Variants in CATSPERE observed in about 807,000 individuals in gnomAD.
CATSPERE encodes cation channel sperm-associated auxiliary subunit epsilon.
Under a neutral mutation model 114.1 loss-of-function variants are expected in CATSPERE, and 93 were observed. The observed-to-expected ratio is 0.81, with a 90% CI of 0.69 to 0.97. The LOEUF is 0.97. Among genes scored for constraint, CATSPERE ranks in the 50% least tolerant of loss-of-function variants. The pLI is 0.00. For missense variants in CATSPERE, 1,058 were observed against 1,131.6 expected, an observed-to-expected ratio of 0.93 and a Z score of 0.93; for synonymous variants, 341 against 384.1, an observed-to-expected ratio of 0.89 and a Z score of 1.31.
At chr1:244,516,106 G>A (rs959079578) in intron 7 of CATSPERE, among the ~76,000 whole-genome samples, 9 of 151,592 alleles carry the variant, frequency 5.9e-5, no homozygotes, top group South Asian at 2.1e-4. Context: ...TTGGGCGATC[G>A]CTTGAGCCTG....
intron 8 of CATSPERE, among the ~76,000 whole-genome samples, chr1:244,528,789 A>ACGCGCG (rs1558436387): frequency 9.3e-5 from 12 of 129,312 alleles, no homozygotes; most frequent in African/African-American, 4.4e-4. Context: ...CCCCCACCAC[A>ACGCGCG]CACACACACA....
intron 11 of CATSPERE, among the ~76,000 whole-genome samples, chr1:244,580,838 T>A (rs1382612335): frequency 6.6e-6 from 1 of 151,998 alleles, no homozygotes; most frequent in East Asian, 1.9e-4. Context: ...CCGTCTCTAC[T>A]AAAAATACAA....
Position 244,633,523 on chromosome 1 carries a change from C to G in CATSPERE, c.2649-1966C>G, listed in dbSNP as rs924314890. Reference sequence around the variant, plus strand: ...TTACAAACTGCTATTGAATTAAATTCAAAAACAGTCATGACTCCTTTATAC... The same window carrying G: ...TTACAAACTGCTATTGAATTAAATTGAAAAACAGTCATGACTCCTTTATAC... On this transcript the variant is annotated intron_variant, in intron 20 of 21. Transcript: ENST00000366534. This position sits in a 1 kb window ranked among gnomAD's most constrained non-coding sequence, Gnocchi z 4.1. 6.6e-6 allele frequency among the ~76,000 whole-genome samples: 1 copy of G among 152,062 alleles called. No homozygotes were observed.
chr1:244,621,562 A>C (rs1225736496), intron 20 of CATSPERE, among the ~76,000 whole-genome samples: 1 of 151,706 alleles, frequency 6.6e-6, no homozygotes, highest in African/African-American at 2.4e-5. Context: ...GAAAAGCGCC[A>C]ACCAACAAAA....
At position 244,514,582 on chromosome 1, in the gene CATSPERE, C is replaced by G. The variant is rs981488085; in HGVS notation, c.430-4010C>G. Among the ~76,000 whole-genome samples the G allele has an allele frequency of 2.0e-5, 3 of 152,204 alleles. No individual in the cohort carries two copies. In the East Asian group the frequency reaches 5.8e-4, roughly 29 times the overall value. On this transcript the variant is annotated intron_variant, in intron 7 of 21. Coordinates refer to ENST00000366534, the MANE Select transcript of CATSPERE (RefSeq NM_001130957.2). ...CGGTGGCTCACGCCTGTAATCCCAG[C>G]ACTTTGGGAGGCCGAGGCGGGTGGA...
intron 8 of CATSPERE, among the ~76,000 whole-genome samples, chr1:244,522,033 T>A (rs1677657399): frequency 6.6e-6 from 1 of 152,002 alleles, no homozygotes; most frequent in Non-Finnish European, 1.5e-5. Flanking sequence ...AGAATATACA[T>A]TTTTTTCAGC....
At chr1:244,584,531 T>A (rs906593986) in intron 13 of CATSPERE, among the ~76,000 whole-genome samples, 1 of 144,564 alleles carries the variant, frequency 6.9e-6, no homozygotes, top group Non-Finnish European at 1.5e-5. Flanking sequence ...ACAGTATTAT[T>A]ACTATATTAT....
intron 8 of CATSPERE, among the ~76,000 whole-genome samples, chr1:244,521,612 G>A (rs915913573): frequency 2.0e-5 from 3 of 151,732 alleles, no homozygotes; most frequent in African/African-American, 4.8e-5. Context: ...ACCTCATATT[G>A]TACATAAAAA....
intron 5 of CATSPERE, among the ~76,000 whole-genome samples, chr1:244,487,364 T>C (rs980966971): frequency 1.1e-4 from 17 of 152,242 alleles, no homozygotes; most frequent in Admixed American, 4.6e-4. Flanking sequence ...CTACACATCA[T>C]GCCCAGCCAG....
At chr1:244,499,812 A>G (rs1191992075) in intron 7 of CATSPERE, among the ~76,000 whole-genome samples, 1 of 152,140 alleles carries the variant, frequency 6.6e-6, no homozygotes, top group East Asian at 1.9e-4. Flanking sequence ...ATACGTGTGC[A>G]TGTGTCTTTA....
upstream of CATSPERE, among the ~76,000 whole-genome samples, chr1:244,453,321 T>C (rs971758581): frequency 6.6e-6 from 1 of 152,230 alleles, no homozygotes; most frequent in Non-Finnish European, 1.5e-5. Context: ...CACACCTTAC[T>C]AGTCATTTCC....
At chr1:244,530,887 A>G (rs368605062) in intron 8 of CATSPERE, among the ~76,000 whole-genome samples, 11 of 152,196 alleles carry the variant, frequency 7.2e-5, no homozygotes, top group African/African-American at 7.2e-5. Flanking sequence ...CTGAATTTAT[A>G]TATCAGTTCT....
intron 7 of CATSPERE, among the ~76,000 whole-genome samples, chr1:244,505,630 G>T (rs1674700192): frequency 6.6e-6 from 1 of 152,032 alleles, no homozygotes; most frequent in South Asian, 2.1e-4. Context: ...CCATCCATTT[G>T]CTTAACATGT....
chr1:244,591,999 G>A (rs1228098362), intron 15 of CATSPERE, among the ~76,000 whole-genome samples: 2 of 148,504 alleles, frequency 1.3e-5, no homozygotes, highest in Non-Finnish European at 3.0e-5. Context: ...ATTGCTCCCT[G>A]TAATTTAAGG....
chr1:244,491,997 C>G (rs940087637), intron 6 of CATSPERE, among the ~76,000 whole-genome samples: 1 of 152,184 alleles, frequency 6.6e-6, no homozygotes, highest in African/African-American at 2.4e-5. Context: ...GGATTCACAG[C>G]CCAATTCTAC....
At chr1:244,522,190 A>G (rs1281499722) in intron 8 of CATSPERE, among the ~76,000 whole-genome samples, 3 of 152,104 alleles carry the variant, frequency 2.0e-5, no homozygotes, top group Non-Finnish European at 4.4e-5. Context: ...CTCACTCAAA[A>G]CCGCTCAACT....
chr1:244,461,475 T>C lies in CATSPERE; in HGVS notation c.46T>C (p.Tyr16His). 2 of 1,344,604 alleles carry C rather than the reference T, an allele frequency of 1.5e-6. No homozygotes were observed. Among genetic ancestry groups the C allele is most frequent in the Non-Finnish European group, 1.9e-6 (2 of 1,041,324 alleles). 83.3% of individuals were successfully genotyped at this position (1,344,604 alleles called of 1,614,324 possible). ...VAVLLLWLSC[Y>H]GSALWRYSTN... ...CGTGCTGCTGCTGTGGCTGAGCTGC[T>C]ATGGCTCCGCCCTTTGGAGGTAGAG... Residue 16 changes from tyrosine to histidine, a missense_variant, in exon 1 of 22, where the codon TAT becomes CAT. By Grantham distance (83) the Tyr-to-His change is moderately conservative. Around this residue, in one of 2 missense-constraint regions of CATSPERE, gnomAD observed 271 missense variants for 225.9 expected, o/e 1.20. Transcript: ENST00000366534.
chr1:244,476,206 GAGGT>G (rs1356394619), intron 2 of CATSPERE, among the ~76,000 whole-genome samples: 1 of 152,114 alleles, frequency 6.6e-6, no homozygotes, highest in African/African-American at 2.4e-5. Context: ...TTGGGACGCT[GAGGT>G]AGGAGGACTG....
chr1:244,603,065 G>T (rs1050964117), intron 17 of CATSPERE, among the ~76,000 whole-genome samples: 1 of 152,116 alleles, frequency 6.6e-6, no homozygotes, highest in South Asian at 2.1e-4. Flanking sequence ...GGGCTCTGGG[G>T]ACTAGGGACT....
Sources: allele counts gnomAD v4.1 joint callset (sites outside exome capture counted in the v4.1 genomes callset), GRCh38; gene constraint gnomAD v4.1.1; regional missense constraint gnomAD v4.1.1; non-coding constraint Gnocchi (gnomAD v3.1); transcripts MANE v1.5; gene names NCBI Gene and HGNC (gene_info 2026-07-23, HGNC 2026-07-21).